POF1B: variants seen among roughly 807,000 people sequenced by gnomAD.
POF1B encodes protein POF1B.
A neutral mutation model predicts 55.3 loss-of-function variants in POF1B; 53 were observed. The ratio of observed to expected loss-of-function variants is 0.96; its 90% confidence interval spans 0.77 to 1.20. The LOEUF (loss-of-function observed/expected upper bound fraction) is 1.20. POF1B is among the 50% of genes most tolerant of loss of function. POF1B has a pLI of 0.00. For synonymous variants in POF1B, 188 were observed against 148.3 expected, an observed-to-expected ratio of 1.27 and a Z score of -1.95; for missense variants, 478 against 420.5, an observed-to-expected ratio of 1.14 and a Z score of -1.20.
intron 6 of POF1B, among the ~76,000 whole-genome samples, chrX:85,344,749 G>A (rs1043024867): frequency 2.6e-4 from 29 of 111,182 alleles, no homozygotes; most frequent in African/African-American, 9.4e-4. Flanking sequence ...ATATACAGAA[G>A]AAAGACAATT....
At chrX:85,372,627 G>T (rs1933848347) in intron 2 of POF1B, among the ~76,000 whole-genome samples, 1 of 106,836 alleles carries the variant, frequency 9.4e-6, no homozygotes, top group African/African-American at 3.4e-5. Flanking sequence ...TAATGTAGGT[G>T]ACGGGTTGAT....
At chrX:85,378,968 C>A (rs1017927487) in intron 2 of POF1B, among the ~76,000 whole-genome samples, 6 of 111,764 alleles carry the variant, frequency 5.4e-5, no homozygotes, top group Non-Finnish European at 1.1e-4. Flanking sequence ...TTATGAAAAT[C>A]AGTGAAACCC....
chrX:85,360,527 G>GTGTATATATA (rs1555988251), intron 3 of POF1B, among the ~76,000 whole-genome samples: 27 of 58,520 alleles, frequency 4.6e-4, no homozygotes, highest in East Asian at 3.5e-3. Flanking sequence ...TCCATGGTAT[G>GTGTATATATA]TATATATATA....
chrX:85,312,918 T>A (rs1197027310), intron 9 of POF1B, among the ~76,000 whole-genome samples: 1 of 111,543 alleles, frequency 9.0e-6, no homozygotes, highest in Non-Finnish European at 1.9e-5. Context: ...TTCCTAGGTA[T>A]TTTATTCTCT....
Position 85,305,866 on chromosome X carries a change from A to G in POF1B, c.1362T>C (p.Asp454=). 10 of 1,209,074 alleles carry G rather than the reference A, an allele frequency of 8.3e-6. No individual in the cohort carries two copies. The highest frequency in any genetic ancestry group is 1.1e-5 in the Non-Finnish European group (10 of 893,548). The change falls in exon 13 of 17, where the codon GAT becomes GAC. Residue 454 remains aspartate, a synonymous_variant. Transcript: ENST00000262753. ...CTGPMLQAKM[D]EIGNHYTEMV... Reference sequence around the variant, plus strand: ...TCTCCGTGTAGTGGTTGCCAATCTCATCCATTTTAGCCTGCAACATTGGGC... The same window carrying G: ...TCTCCGTGTAGTGGTTGCCAATCTCGTCCATTTTAGCCTGCAACATTGGGC...
chrX:85,321,211 G>C (rs761954088), intron 7 of POF1B, among the ~76,000 whole-genome samples: 7 of 111,124 alleles, frequency 6.3e-5, no homozygotes, highest in African/African-American at 2.3e-4. Context: ...CTGGCAAACC[G>C]AATCCAGCAG....
intron 7 of POF1B, among the ~76,000 whole-genome samples, chrX:85,326,123 AG>A (rs1341523674): frequency 8.9e-6 from 1 of 111,961 alleles, no homozygotes; most frequent in Non-Finnish European, 1.9e-5. Flanking sequence ...TACTCCGTAG[AG>A]TGGTGGCAGT....
At chrX:85,320,229 G>A (rs1017048785) in intron 7 of POF1B, among the ~76,000 whole-genome samples, 6 of 110,439 alleles carry the variant, frequency 5.4e-5, no homozygotes, top group Admixed American at 9.7e-5. Context: ...GCATTTATTC[G>A]TATCTTCTCA....
At chrX:85,338,458 C>T (rs1280275609) in intron 6 of POF1B, among the ~76,000 whole-genome samples, 2 of 111,671 alleles carry the variant, frequency 1.8e-5, no homozygotes, top group Non-Finnish European at 3.8e-5. Flanking sequence ...CAATTAAAAA[C>T]AATGTAGGTG....
chrX:85,307,296 A>G lies in POF1B; in HGVS notation c.1051-20T>C. On this transcript the variant is annotated intron_variant, in intron 10 of 16. Coordinates refer to ENST00000262753, the MANE Select transcript of POF1B (RefSeq NM_024921.4). ...CAGTGACTAGAAGCATAAATTATTT[A>G]TTATGATTCAGAATTGCAAAAACTT... 3 of 1,087,951 alleles carry G rather than the reference A, an allele frequency of 2.8e-6. No individual in the cohort carries two copies. Among genetic ancestry groups the G allele is most frequent in the Non-Finnish European group, 3.7e-6 (3 of 800,842 alleles). The allele number at this position is 1,087,951 out of a possible 1,213,427, so 89.7% of individuals were successfully genotyped here.
intron 7 of POF1B, among the ~76,000 whole-genome samples, chrX:85,317,247 T>TAA (rs1932795671): frequency 9.2e-6 from 1 of 108,274 alleles, no homozygotes; most frequent in East Asian, 3.0e-4. Flanking sequence ...TTGAAAACAG[T>TAA]TTGGCAATTA....
intron 2 of POF1B, among the ~76,000 whole-genome samples, chrX:85,369,318 C>A (rs968021730): frequency 1.1e-4 from 12 of 110,620 alleles, no homozygotes; most frequent in African/African-American, 3.9e-4. Context: ...GCCCACAGAC[C>A]CAAGAGGAGC....
chrX:85,361,842 AG>A lies in POF1B; in HGVS notation c.358-2213del, dbSNP rs748257702. 3.6e-5 allele frequency among the ~76,000 whole-genome samples: 4 copies of A among 111,244 alleles called. No homozygotes were observed. The South Asian group carries it at 1.5e-3, about 42-fold the overall frequency. On this transcript the variant is annotated intron_variant, in intron 3 of 16. Transcript: ENST00000262753. ...ACAATATTGATTCTTCCTATCCATGAGCATGGAATGTTTCTCCATGTTTGTG... is the reference window on the plus strand; with the variant it reads ...ACAATATTGATTCTTCCTATCCATGACATGGAATGTTTCTCCATGTTTGTG...
chrX:85,303,126 A>C (rs1416102247), intron 15 of POF1B, among the ~76,000 whole-genome samples: 1 of 111,814 alleles, frequency 8.9e-6, no homozygotes, highest in Non-Finnish European at 1.9e-5. Flanking sequence ...TTGTCACATG[A>C]AACAGAAAGA....
rs150705318 is a variant in POF1B, at chrX:85,283,703, G to C, written c.1650-1386C>G. On this transcript the variant is annotated intron_variant, in intron 15 of 16. Coordinates refer to ENST00000262753, the MANE Select transcript of POF1B (RefSeq NM_024921.4). ...TAAACACACGTATCCAAGAAGCTCA[G>C]TGAACGTGAAAAAAAGAAACATGAA... 4.4e-3 allele frequency among the ~76,000 whole-genome samples: 486 copies of C among 109,725 alleles called. 2 individuals carry two copies. Among genetic ancestry groups the C allele is most frequent in the African/African-American group, 0.015 (465 of 30,235 alleles).
chrX:85,367,638 G>T lies in POF1B; in HGVS notation c.357+54C>A, dbSNP rs1933748090. Reference sequence around the variant, plus strand: ...AAAGATTGCTTACATACATGAAGAAGACTTCCATATAAAAAAGAGGAACAA... The same window carrying T: ...AAAGATTGCTTACATACATGAAGAATACTTCCATATAAAAAAGAGGAACAA... On this transcript the variant is annotated intron_variant, in intron 3 of 16. Transcript: ENST00000262753. The T allele has an allele frequency of 3.3e-6, 3 of 905,845 alleles. No homozygotes were observed. The East Asian group carries it at 9.5e-5, about 29-fold the overall frequency. 74.7% of individuals were successfully genotyped at this position (905,845 alleles called of 1,213,427 possible).
intron 7 of POF1B, among the ~76,000 whole-genome samples, chrX:85,328,484 G>T (rs1340248120): frequency 1.8e-5 from 2 of 111,174 alleles, no homozygotes; most frequent in South Asian, 7.4e-4. Context: ...GATTACAGGC[G>T]TGAGCCACTA....
chrX:85,343,036 AG>A (rs1933201956), intron 6 of POF1B, among the ~76,000 whole-genome samples: 1 of 28,477 alleles, frequency 3.5e-5, no homozygotes, highest in Non-Finnish European at 6.1e-5. Flanking sequence ...ATATTGAAAA[AG>A]CTGGGGGTGG....
At position 85,279,382 on chromosome X, in the gene POF1B, A is replaced by C. The variant is rs748327638; in HGVS notation, c.*39T>G. The stretch of plus-strand genomic sequence containing the variant: ...AATGCAGAGACACACACACAAAAAA[A>C]AAACGGCTTTGAGTTGTAATACTTT... On this transcript the variant is annotated 3_prime_UTR_variant, in exon 17 of 17. Coordinates refer to ENST00000262753, the MANE Select transcript of POF1B (RefSeq NM_024921.4). 20 of 1,165,557 alleles carry C rather than the reference A, an allele frequency of 1.7e-5. No individual in the cohort carries two copies. The highest frequency in any genetic ancestry group is 2.2e-5 in the Non-Finnish European group (19 of 859,932).
Sources: allele counts gnomAD v4.1 joint callset (sites outside exome capture counted in the v4.1 genomes callset), GRCh38; gene constraint gnomAD v4.1.1; transcripts MANE v1.5; gene names NCBI Gene and HGNC (gene_info 2026-07-23, HGNC 2026-07-21).